Variants in CACNG4 observed in about 807,000 individuals in gnomAD.
The protein encoded by CACNG4 is calcium voltage-gated channel auxiliary subunit gamma 4.
Under a neutral mutation model 22.9 loss-of-function variants are expected in CACNG4, and 8 were observed. The observed-to-expected ratio is 0.35, with a 90% CI of 0.21 to 0.63. The LOEUF (loss-of-function observed/expected upper bound fraction) is 0.63, where lower values mean the gene tolerates loss of function less well. Ranked by LOEUF, CACNG4 falls within the 30% of genes least tolerant of loss-of-function variation. The pLI, the probability that CACNG4 is intolerant of heterozygous loss-of-function variation, is 0.72. For synonymous variants in CACNG4, 188 were observed against 191.9 expected (o/e 0.98, Z 0.17); for missense variants, 357 against 455.4 (o/e 0.78, Z 1.97).
At chr17:66,965,565 A>AG (rs572980366) in intron 1 of CACNG4, among the ~76,000 whole-genome samples, 10 of 24,814 alleles carry the variant, frequency 4.0e-4, no homozygotes, top group Non-Finnish European at 6.2e-4. Context: ...AGCGGACGGG[A>AG]GGGGGGGAGG....
chr17:67,000,654 C>T (rs554861451), intron 1 of CACNG4, among the ~76,000 whole-genome samples: 23 of 152,236 alleles, frequency 1.5e-4, no homozygotes, highest in African/African-American at 5.1e-4. Flanking sequence ...GGTCCCTAGG[C>T]CCTGAGTGAA....
Position 67,030,153 on chromosome 17 carries a change from GTGT to G in CACNG4, c.446-312_446-310del, listed in dbSNP as rs540108294. Among the ~76,000 whole-genome samples the G allele has an allele frequency of 9.2e-6, 1 of 108,658 alleles. No individual in the cohort carries two copies. Among genetic ancestry groups the G allele is most frequent in the African/African-American group, 5.9e-5 (1 of 16,812 alleles). 71.3% of individuals were successfully genotyped at this position (108,658 alleles called of 152,430 possible). ...GTACTGTGCAAAGGAAATAATAGGG[GTGT>G]GTGTGTGTGTGTGTGTGAAGAGAGA... On this transcript the variant is annotated intron_variant, in intron 3 of 3. Coordinates refer to ENST00000262138, the MANE Select transcript of CACNG4 (RefSeq NM_014405.4). This position sits in a 1 kb window ranked among gnomAD's most constrained non-coding sequence, Gnocchi z 6.4.
At chr17:66,994,020 T>TAA (rs58662640) in intron 1 of CACNG4, among the ~76,000 whole-genome samples, 2 of 142,476 alleles carry the variant, frequency 1.4e-5, no homozygotes. Context: ...AATATACACA[T>TAA]AAAAAAAAAA....
At chr17:67,021,242 G>A (rs1010759231) in intron 2 of CACNG4, among the ~76,000 whole-genome samples, 1 of 152,106 alleles carries the variant, frequency 6.6e-6, no homozygotes, top group Non-Finnish European at 1.5e-5. Context: ...TATGTACCAG[G>A]CACTGTATTA....
At chr17:67,019,355 A>C (rs1598122535) in intron 2 of CACNG4, among the ~76,000 whole-genome samples, 1 of 150,296 alleles carries the variant, frequency 6.7e-6, no homozygotes, top group South Asian at 2.1e-4. Flanking sequence ...TTCCTCCCTC[A>C]CCTCCTCCTC....
In CACNG4 at chr17:67,032,392, G is replaced by T. The variant is rs1263130174; in HGVS notation, c.*1388G>T. ...TTGTATAAAACATGTGCTTTCTAAA[G>T]AAAAATTGTTTCTTATTTTTTGAGA... On this transcript the variant is annotated 3_prime_UTR_variant, in exon 4 of 4. Coordinates refer to ENST00000262138, the MANE Select transcript of CACNG4 (RefSeq NM_014405.4). The T allele has an allele frequency of 5.1e-6, 1 of 196,060 alleles. No homozygotes were observed. Among genetic ancestry groups the T allele is most frequent in the Non-Finnish European group, 1.1e-5 (1 of 94,428 alleles). 12.1% of individuals were successfully genotyped at this position (196,060 alleles called of 1,614,324 possible).
chr17:66,991,392 C>T (rs1345404971), intron 1 of CACNG4, among the ~76,000 whole-genome samples: 1 of 152,176 alleles, frequency 6.6e-6, no homozygotes, highest in Admixed American at 6.5e-5. Flanking sequence ...AGGCATGTTT[C>T]TCCTCTTCCC....
At chr17:66,965,160 CCACACACACACA>C (rs55909537) in intron 1 of CACNG4, 29 bp downstream of exon 1, 1 of 844,364 alleles carries the variant, frequency 1.2e-6, no homozygotes, top group Non-Finnish European at 1.8e-6. Flanking sequence ...CCTCGCCGCC[CCACACACACACA>C]CACACACACA....
chr17:67,014,067 C>G (rs1410350582), intron 1 of CACNG4, among the ~76,000 whole-genome samples: 1 of 152,170 alleles, frequency 6.6e-6, no homozygotes, highest in African/African-American at 2.4e-5. Context: ...TAGTGGTCTC[C>G]TGGCCCTCAG....
In CACNG4 at chr17:67,031,003, G is replaced by A. The variant is rs950374645; in HGVS notation, c.983G>A (p.Ter328=). The change falls in exon 4 of 4, where the codon TGA becomes TAA. Residue 328 remains the stop codon, a stop_retained_variant. Coordinates refer to ENST00000262138, the MANE Select transcript of CACNG4 (RefSeq NM_014405.4). The surrounding 1 kb of genome is among the most constrained non-coding windows in gnomAD (Gnocchi z 4.0). ...SMLNRRTTPV[*] is the part of the protein sequence containing the mutation. The stretch of plus-strand genomic sequence containing the variant: ...CTGAACCGACGGACGACCCCTGTGT[G>A]AGCCGCCTGCCCTTTCTCTCCGCTC... The A allele has an allele frequency of 6.2e-7, 1 of 1,607,324 alleles. No homozygotes were observed. Among genetic ancestry groups the A allele is most frequent in the African/African-American group, 1.3e-5 (1 of 74,834 alleles).
chr17:66,994,032 AAC>A lies in CACNG4; in HGVS notation c.221-24155_221-24154del, dbSNP rs2035358382. ...TCAAATATACACATAAAAAAAAAAA[AAC>A]ATTTTTTTAAGAGACCAGAGGTGCG... On this transcript the variant is annotated intron_variant, in intron 1 of 3. Coordinates refer to ENST00000262138, the MANE Select transcript of CACNG4 (RefSeq NM_014405.4). 2.7e-5 allele frequency among the ~76,000 whole-genome samples: 4 copies of A among 146,030 alleles called. No individual in the cohort carries two copies. In the South Asian group the frequency reaches 8.5e-4, roughly 31 times the overall value.
intron 1 of CACNG4, among the ~76,000 whole-genome samples, chr17:67,005,468 C>T (rs1050855564): frequency 1.3e-5 from 2 of 152,326 alleles, no homozygotes; most frequent in Non-Finnish European, 2.9e-5. Context: ...CACAGGTGCT[C>T]ACAACACAAG....
At chr17:67,029,851 A>C (rs1006073378) in intron 3 of CACNG4, among the ~76,000 whole-genome samples, 8 of 152,212 alleles carry the variant, frequency 5.3e-5, no homozygotes, top group African/African-American at 1.9e-4. Context: ...TAAGTGTTTC[A>C]ATGCACATGG....
intron 1 of CACNG4, among the ~76,000 whole-genome samples, chr17:66,999,933 G>T (rs1362502335): frequency 6.6e-5 from 10 of 152,184 alleles, no homozygotes; most frequent in African/African-American, 2.2e-4. Context: ...GAGAGCCAAC[G>T]CCTCCTCCCC....
At chr17:66,996,551 T>C (rs2035376685) in intron 1 of CACNG4, among the ~76,000 whole-genome samples, 1 of 151,986 alleles carries the variant, frequency 6.6e-6, no homozygotes, top group Non-Finnish European at 1.5e-5. Context: ...AGCCAATTTT[T>C]GTATTTTTTG....
At chr17:67,009,281 A>C (rs1045185558) in intron 1 of CACNG4, among the ~76,000 whole-genome samples, 8 of 152,176 alleles carry the variant, frequency 5.3e-5, no homozygotes, top group African/African-American at 9.7e-5. Flanking sequence ...ATACTTCGTT[A>C]AAGTAACCCC....
chr17:66,993,821 A>G (rs1033649087), intron 1 of CACNG4, among the ~76,000 whole-genome samples: 4 of 151,994 alleles, frequency 2.6e-5, no homozygotes, highest in African/African-American at 7.3e-5. Context: ...GCGTTTCATC[A>G]TATTGGCCAG....
intron 2 of CACNG4, chr17:67,020,203 G>C (rs2035523780): frequency 6.6e-6 from 1 of 152,346 alleles, no homozygotes; most frequent in Non-Finnish European, 1.5e-5. Context: ...TTCTCCAAAA[G>C]CCAGAGGCGG....
Position 67,027,630 on chromosome 17 carries a change from A to G in CACNG4, c.445+2630A>G, listed in dbSNP as rs2035575886. ...AGACTTCTCTGGGAAACTGGAATTC[A>G]TGGAGTTGTTATTTAAGAAACCCTT... On this transcript the variant is annotated intron_variant, in intron 3 of 3. Transcript: ENST00000262138. The surrounding 1 kb of genome is among the most constrained non-coding windows in gnomAD (Gnocchi z 4.3). 6.6e-6 allele frequency among the ~76,000 whole-genome samples: 1 copy of G among 152,238 alleles called. No individual in the cohort carries two copies. Among genetic ancestry groups the G allele is most frequent in the Admixed American group, 6.5e-5 (1 of 15,290 alleles).
Sources: allele counts gnomAD v4.1 joint callset (sites outside exome capture counted in the v4.1 genomes callset), GRCh38; gene constraint gnomAD v4.1.1; non-coding constraint Gnocchi (gnomAD v3.1); transcripts MANE v1.5; gene names NCBI Gene and HGNC (gene_info 2026-07-23, HGNC 2026-07-21).